The following TEAD1 variants were observed in gnomAD, a reference collection of about 807,000 sequenced individuals.
The protein encoded by TEAD1 is transcriptional enhancer factor TEF-1.
Under a neutral mutation model 54.9 loss-of-function variants are expected in TEAD1, and 9 were observed. The observed-to-expected ratio is 0.16, with a 90% CI of 0.10 to 0.29. TEAD1 has a LOEUF of 0.29. Among genes scored for constraint, TEAD1 ranks in the 10% least tolerant of loss-of-function variants. TEAD1 has a pLI of 1.00. For missense variants in TEAD1, 387 were observed against 535.9 expected (o/e 0.72, Z 2.74); for synonymous variants, 200 against 187.8 (o/e 1.07, Z -0.53).
At chr11:12,925,246 A>G (rs1948884811) in intron 11 of TEAD1, among the ~76,000 whole-genome samples, 194 bp downstream of exon 11, 1 of 152,218 alleles carries the variant, frequency 6.6e-6, no homozygotes, top group Non-Finnish European at 1.5e-5. Flanking sequence ...ATTGACTCAC[A>G]GTTCCACAGG....
At chr11:12,720,356 CATAG>C (rs949454197) in intron 2 of TEAD1, among the ~76,000 whole-genome samples, 3 of 152,074 alleles carry the variant, frequency 2.0e-5, no homozygotes, top group Non-Finnish European at 2.9e-5. Context: ...CATATAGATA[CATAG>C]ATAGTCTGCA....
At chr11:12,750,374 T>C (rs1944845634) in intron 2 of TEAD1, among the ~76,000 whole-genome samples, 2 of 152,172 alleles carry the variant, frequency 1.3e-5, no homozygotes, top group South Asian at 4.1e-4. Context: ...CTGGGTTGTT[T>C]AAACAAACAC....
At position 12,881,900 on chromosome 11, in the gene TEAD1, A is replaced by G; in HGVS notation, c.517A>G (p.Lys173Glu). ...CTGCCATCTCTCTGTTCCCAGCGTC[A>G]AGCCTTTTGTGCAGCAGGCCTACCC... The change falls in exon 8 of 13, where the codon AAG (lysine) becomes GAG (glutamate). Residue 173 changes from lysine to glutamate, a missense_variant. This residue lies in a region of TEAD1 where 180 missense variants were observed against 180.6 expected (regional missense o/e 1.00). Transcript: ENST00000527636. 4 of 1,614,154 alleles carry G rather than the reference A, an allele frequency of 2.5e-6. No individual in the cohort carries two copies. The highest frequency in any genetic ancestry group is 3.4e-6 in the Non-Finnish European group (4 of 1,180,010).
chr11:12,680,736 A>G (rs1340653762), intron 2 of TEAD1, among the ~76,000 whole-genome samples: 7 of 152,224 alleles, frequency 4.6e-5, no homozygotes, highest in Non-Finnish European at 8.8e-5. Context: ...AGGGGGAGGA[A>G]CAAAGCTAAT....
intron 10 of TEAD1, among the ~76,000 whole-genome samples, chr11:12,906,713 A>G (rs933459783): frequency 1.3e-5 from 2 of 152,200 alleles, no homozygotes; most frequent in African/African-American, 4.8e-5. Flanking sequence ...GCCCCAGGCA[A>G]CTGTGGATCT....
In TEAD1 at chr11:12,943,593, C is replaced by A. The variant is rs1199066684; in HGVS notation, c.*6371C>A. The A allele has an allele frequency of 1.3e-5, 2 of 152,214 alleles. No homozygotes were observed. The highest frequency in any genetic ancestry group is 1.5e-5 in the Non-Finnish European group (1 of 68,038). 9.4% of individuals were successfully genotyped at this position (152,214 alleles called of 1,614,324 possible). On this transcript the variant is annotated 3_prime_UTR_variant, in exon 13 of 13. Transcript: ENST00000527636. ...GTATTTGAGATGGCATTTATGTTTC[C>A]TCTCGTTTATCATGAAATGGGGTCA...
chr11:12,710,871 T>C (rs1001685907), intron 2 of TEAD1, among the ~76,000 whole-genome samples: 1 of 151,142 alleles, frequency 6.6e-6, no homozygotes, highest in Non-Finnish European at 1.5e-5. Context: ...GAGGAGAGAG[T>C]GAGTGCTAGC....
intron 3 of TEAD1, among the ~76,000 whole-genome samples, chr11:12,795,461 C>T (rs1315898624): frequency 6.6e-6 from 1 of 152,142 alleles, no homozygotes; most frequent in Non-Finnish European, 1.5e-5. Flanking sequence ...TACATGGGTG[C>T]AGGTTTAAAG....
intron 2 of TEAD1, among the ~76,000 whole-genome samples, chr11:12,737,454 C>T (rs1286492424): frequency 6.6e-6 from 1 of 152,166 alleles, no homozygotes; most frequent in Non-Finnish European, 1.5e-5. Context: ...GGAGAATTCC[C>T]AGACAGCTCA....
intron 3 of TEAD1, among the ~76,000 whole-genome samples, chr11:12,833,638 G>T (rs556747814): frequency 6.6e-6 from 1 of 151,802 alleles, no homozygotes; most frequent in African/African-American, 2.4e-5. Flanking sequence ...AAAAAAAAGC[G>T]TTGGTTCCTT....
rs559722214 is a variant in TEAD1 at position 12,709,055 on chromosome 11, G to GGGCT, written c.-55+33497_-55+33500dup. On this transcript the variant is annotated intron_variant, in intron 2 of 12. Coordinates refer to ENST00000527636, the MANE Select transcript of TEAD1 (RefSeq NM_021961.6). ...TATAAAGGTAAAACCATAGTAATTT[G>GGGCT]GGCTGGGTGCGGTAGCTCATGCCTG... Among the ~76,000 whole-genome samples, 504 of 152,198 alleles carry GGGCT rather than the reference G, an allele frequency of 3.3e-3. 11 individuals carry two copies. Among genetic ancestry groups the GGGCT allele is most frequent in the Non-Finnish European group, 8.4e-4 (57 of 68,014 alleles).
chr11:12,783,151 A>G (rs888414452), intron 3 of TEAD1, among the ~76,000 whole-genome samples: 4 of 142,770 alleles, frequency 2.8e-5, no homozygotes, highest in African/African-American at 1.1e-4. Context: ...CTTTCTTTTT[A>G]AATCACTGTA....
chr11:12,731,950 T>C (rs184365870), intron 2 of TEAD1, among the ~76,000 whole-genome samples: 1 of 152,306 alleles, frequency 6.6e-6, no homozygotes, highest in Admixed American at 6.5e-5. Flanking sequence ...GAATGCCACA[T>C]TTCTAATCAG....
At chr11:12,911,855 C>T (rs559623834) in intron 10 of TEAD1, among the ~76,000 whole-genome samples, 8 of 152,026 alleles carry the variant, frequency 5.3e-5, no homozygotes, top group Non-Finnish European at 1.0e-4. Flanking sequence ...TCCTGGTTCC[C>T]GAACCCTGGA....
chr11:12,913,469 T>C (rs567111771), intron 10 of TEAD1, among the ~76,000 whole-genome samples: 2 of 152,330 alleles, frequency 1.3e-5, no homozygotes, highest in Admixed American at 1.3e-4. Context: ...ACATCACTTG[T>C]TTTTACTAAA....
chr11:12,894,437 G>A (rs1274255441), intron 9 of TEAD1, among the ~76,000 whole-genome samples: 1 of 151,984 alleles, frequency 6.6e-6, no homozygotes, highest in Non-Finnish European at 1.5e-5. Context: ...TTAAAAAAAA[G>A]AGAAAAAAGC....
intron 3 of TEAD1, among the ~76,000 whole-genome samples, chr11:12,851,527 C>G (rs1352332370): frequency 1.3e-5 from 2 of 152,180 alleles, no homozygotes; most frequent in African/African-American, 2.4e-5. Flanking sequence ...GGCGCAGTGG[C>G]TCACACCTGT....
chr11:12,813,264 G>C (rs1350637069), intron 3 of TEAD1, among the ~76,000 whole-genome samples: 1 of 152,200 alleles, frequency 6.6e-6, no homozygotes, highest in South Asian at 2.1e-4. Context: ...TGCCAGGGAA[G>C]GTGTTTGGGT....
chr11:12,888,600 C>T (rs1240541540), intron 9 of TEAD1, among the ~76,000 whole-genome samples: 1 of 152,158 alleles, frequency 6.6e-6, no homozygotes, highest in Non-Finnish European at 1.5e-5. Flanking sequence ...GGCCTTAGAA[C>T]CAGCATTTTC....
Sources: allele counts gnomAD v4.1 joint callset (sites outside exome capture counted in the v4.1 genomes callset), GRCh38; gene constraint gnomAD v4.1.1; regional missense constraint gnomAD v4.1.1; transcripts MANE v1.5; gene names NCBI Gene and HGNC (gene_info 2026-07-23, HGNC 2026-07-21).